The following RSU1 variants were observed in gnomAD, a reference collection of about 807,000 sequenced individuals.
The protein encoded by RSU1 is rsu-1.
A neutral mutation model predicts 31.1 loss-of-function variants in RSU1; 26 were observed. The observed-to-expected ratio is 0.84, with a 90% confidence interval of 0.61 to 1.16. The LOEUF (loss-of-function observed/expected upper bound fraction) is 1.16, where lower values mean the gene tolerates loss of function less well. RSU1 is among the 50% of genes most tolerant of loss of function. The pLI is 0.00. For missense variants in RSU1, 320 were observed against 339.1 expected (o/e 0.94, Z 0.44); for synonymous variants, 164 against 136.3 (o/e 1.20, Z -1.41).
At chr10:16,729,206 G>A (rs180866640) in intron 7 of RSU1, among the ~76,000 whole-genome samples, 1 of 152,152 alleles carries the variant, frequency 6.6e-6, no homozygotes, top group Admixed American at 6.5e-5. Context: ...CTTTTGTCTT[G>A]GCACAGAAAA....
intron 2 of RSU1, among the ~76,000 whole-genome samples, chr10:16,798,760 C>T (rs1017447775): frequency 6.6e-6 from 1 of 151,992 alleles, no homozygotes. Context: ...ATGACCTACG[C>T]CCTACACCAA....
intron 8 of RSU1, among the ~76,000 whole-genome samples, chr10:16,642,507 C>T (rs971532790): frequency 4.6e-5 from 7 of 152,144 alleles, no homozygotes; most frequent in African/African-American, 1.7e-4. Flanking sequence ...GGAAGAGCCA[C>T]TTTCGTCTTA....
intron 8 of RSU1, among the ~76,000 whole-genome samples, chr10:16,672,208 G>T (rs1835120429): frequency 1.3e-5 from 2 of 151,710 alleles, no homozygotes; most frequent in Admixed American, 6.6e-5. Flanking sequence ...TACTCAGGAG[G>T]CTGAGGCAGG....
Position 16,592,042 on chromosome 10 carries a change from C to G in RSU1, c.*1352G>C, listed in dbSNP as rs1833514853. On this transcript the variant is annotated 3_prime_UTR_variant, in exon 9 of 9. Coordinates refer to ENST00000345264, the MANE Select transcript of RSU1 (RefSeq NM_012425.4). ...AATGCGAAGTCTGTTTCCTAAGTAA[C>G]TCAGAACTTGTTGTTTGATTTTGAT... 6.6e-6 allele frequency: 1 copy of G among 152,140 alleles called. No individual in the cohort carries two copies. Among genetic ancestry groups the G allele is most frequent in the African/African-American group, 2.4e-5 (1 of 41,380 alleles). The allele number at this position is 152,140 out of a possible 1,614,324, so 9.4% of individuals were successfully genotyped here.
At chr10:16,669,457 C>T (rs563766892) in intron 8 of RSU1, among the ~76,000 whole-genome samples, 8 of 152,186 alleles carry the variant, frequency 5.3e-5, no homozygotes, top group South Asian at 2.1e-4. Context: ...GATCTTTCAC[C>T]GTGTTTGGCT....
At chr10:16,801,889 A>C (rs1838163357) in intron 2 of RSU1, among the ~76,000 whole-genome samples, 1 of 152,140 alleles carries the variant, frequency 6.6e-6, no homozygotes, top group Non-Finnish European at 1.5e-5. Flanking sequence ...ATGCTAAAGG[A>C]AATTTATAGC....
chr10:16,673,773 G>A (rs1349913744), intron 8 of RSU1, among the ~76,000 whole-genome samples: 1 of 152,180 alleles, frequency 6.6e-6, no homozygotes, highest in Non-Finnish European at 1.5e-5. Flanking sequence ...ATGACTGAGG[G>A]ACTCTTTATG....
intron 7 of RSU1, among the ~76,000 whole-genome samples, chr10:16,749,117 G>A (rs1438338728): frequency 6.6e-6 from 1 of 152,172 alleles, no homozygotes; most frequent in African/African-American, 2.4e-5. Context: ...ATGAATGAAT[G>A]GGTACACGAG....
intron 8 of RSU1, among the ~76,000 whole-genome samples, chr10:16,594,517 A>G (rs1833572911): frequency 6.6e-6 from 1 of 150,920 alleles, no homozygotes; most frequent in African/African-American, 2.4e-5. Context: ...GGCTCAAGCG[A>G]TCTCATGGCT....
chr10:16,721,006 C>CAAAT (rs1408786852), intron 7 of RSU1, among the ~76,000 whole-genome samples: 4 of 152,046 alleles, frequency 2.6e-5, no homozygotes, highest in Non-Finnish European at 4.4e-5. Flanking sequence ...AATAAATAAA[C>CAAAT]AAACAAATAA....
At chr10:16,655,484 T>C (rs1588697420) in intron 8 of RSU1, among the ~76,000 whole-genome samples, 1 of 152,194 alleles carries the variant, frequency 6.6e-6, no homozygotes, top group East Asian at 1.9e-4. Context: ...AAAACTTGTA[T>C]AAAGAGCTTA....
intron 8 of RSU1, among the ~76,000 whole-genome samples, chr10:16,669,380 C>T (rs371217047): frequency 2.0e-4 from 31 of 151,966 alleles, no homozygotes; most frequent in South Asian, 1.3e-3. Context: ...TTTTCCCCCC[C>T]CAAAGCACCA....
At chr10:16,702,889 G>A (rs1190023897) in intron 7 of RSU1, among the ~76,000 whole-genome samples, 3 of 152,176 alleles carry the variant, frequency 2.0e-5, no homozygotes, top group East Asian at 1.9e-4. Flanking sequence ...CTGCAACCCT[G>A]CCCAAGTCAC....
At chr10:16,795,824 AC>A (rs1564361169) in intron 2 of RSU1, among the ~76,000 whole-genome samples, 1 of 151,852 alleles carries the variant, frequency 6.6e-6, no homozygotes, top group Non-Finnish European at 1.5e-5. Context: ...TGTATCTTCA[AC>A]CCCCCGGACC....
At chr10:16,752,770 A>G in intron 6 of RSU1, 117 bp from the exon 7 acceptor site, 1 of 1,031,078 alleles carries the variant, frequency 9.7e-7, no homozygotes, top group South Asian at 1.4e-5. Context: ...TGTATTTACA[A>G]GTGCCGGCGG....
chr10:16,706,994 T>C (rs1432223970), intron 7 of RSU1, among the ~76,000 whole-genome samples: 1 of 152,178 alleles, frequency 6.6e-6, no homozygotes, highest in Non-Finnish European at 1.5e-5. Flanking sequence ...AGTGGGATCA[T>C]GTGTTATGTG....
intron 8 of RSU1, among the ~76,000 whole-genome samples, chr10:16,643,988 C>A (rs899427945): frequency 6.6e-6 from 1 of 151,636 alleles, no homozygotes. Flanking sequence ...TACAAGTAAT[C>A]CAGAGATGAT....
At chr10:16,675,746 C>T (rs182226924) in intron 8 of RSU1, among the ~76,000 whole-genome samples, 1 of 152,338 alleles carries the variant, frequency 6.6e-6, no homozygotes, top group Admixed American at 6.5e-5. Flanking sequence ...AACGCGTGCT[C>T]CTTTGAGTAG....
At chr10:16,782,748 G>T (rs1272258218) in intron 2 of RSU1, among the ~76,000 whole-genome samples, 2 of 152,130 alleles carry the variant, frequency 1.3e-5, no homozygotes, top group African/African-American at 2.4e-5. Flanking sequence ...TTTGCTTAAA[G>T]AATGGTTTTT....
Sources: allele counts gnomAD v4.1 joint callset (sites outside exome capture counted in the v4.1 genomes callset), GRCh38; gene constraint gnomAD v4.1.1; transcripts MANE v1.5; gene names NCBI Gene and HGNC (gene_info 2026-07-23, HGNC 2026-07-21).